ALKAL1: variants seen among roughly 807,000 people sequenced by gnomAD.
ALKAL1 encodes the protein AUG-beta.
A neutral mutation model predicts 13.5 loss-of-function variants in ALKAL1; 23 were observed. The observed-to-expected ratio is 1.70, with a 90% CI of 1.23 to 2.41. ALKAL1 has a LOEUF of 2.41. ALKAL1 is among the 30% of genes most tolerant of loss of function. The probability of loss-of-function intolerance (pLI) is 0.00; values close to 1 mark genes in which losing one functional copy is unlikely to be tolerated. For missense variants in ALKAL1, 181 were observed against 178.4 expected, an observed-to-expected ratio of 1.01 and a Z score of -0.08; for synonymous variants, 85 against 77.7, an observed-to-expected ratio of 1.09 and a Z score of -0.49.
At chr8:52,558,347 C>CA (rs398007812) in intron 1 of ALKAL1, among the ~76,000 whole-genome samples, 6,917 of 18,694 alleles carry the variant, frequency 0.37, 1,933 homozygotes, top group East Asian at 0.71. Context: ...GACTCCATCT[C>CA]AAAAAAAAAA....
chr8:52,540,357 C>T (rs1038324341), intron 2 of ALKAL1, among the ~76,000 whole-genome samples: 4 of 152,098 alleles, frequency 2.6e-5, no homozygotes, highest in African/African-American at 4.8e-5. Context: ...TTATTACTGT[C>T]TAGGATAATT....
rs1794390660 is a variant in ALKAL1, at chr8:52,565,148, C to G, written c.109G>C (p.Val37Leu). ...GRPRGRRGAR[V>L]TDKEPKPLLF... ...AACGGCTTGGGCTCCTTATCCGTGACGCGCGCTCCCCTGCGCCCCCGGGGC... is the reference window on the plus strand; with the variant it reads ...AACGGCTTGGGCTCCTTATCCGTGAGGCGCGCTCCCCTGCGCCCCCGGGGC... Residue 37 changes from valine (V) to leucine (L), a missense_variant, in exon 1 of 5, where the codon GTC becomes CTC. Val to Leu is a conservative substitution (Grantham distance 32). Coordinates refer to ENST00000358543, the MANE Select transcript of ALKAL1 (RefSeq NM_207413.4). 9 of 1,403,342 alleles carry G rather than the reference C, an allele frequency of 6.4e-6. No homozygotes were observed. The highest frequency in any genetic ancestry group is 8.4e-6 in the Non-Finnish European group (9 of 1,070,956). 86.9% of individuals were successfully genotyped at this position (1,403,342 alleles called of 1,614,324 possible).
chr8:52,560,317 G>A (rs1392697601), intron 1 of ALKAL1, among the ~76,000 whole-genome samples: 2 of 152,120 alleles, frequency 1.3e-5, no homozygotes, highest in East Asian at 3.9e-4. Context: ...TATGTTGTTA[G>A]ATATATAAAT....
intron 3 of ALKAL1, 131 bp downstream of exon 3, chr8:52,539,700 C>G (rs1484087846): frequency 1.5e-6 from 1 of 674,238 alleles, no homozygotes; most frequent in Non-Finnish European, 2.5e-6. Flanking sequence ...TGTCAGTGTT[C>G]TAAATCAGTG....
At chr8:52,554,048 A>C (rs1590869071) in intron 1 of ALKAL1, among the ~76,000 whole-genome samples, 1 of 152,258 alleles carries the variant, frequency 6.6e-6, no homozygotes, top group African/African-American at 2.4e-5. Context: ...ACATGGAGAA[A>C]CCCCGTCTCT....
intron 2 of ALKAL1, among the ~76,000 whole-genome samples, chr8:52,540,611 G>T (rs1847303645): frequency 6.6e-6 from 1 of 152,064 alleles, no homozygotes; most frequent in Non-Finnish European, 1.5e-5. Context: ...CACGCCTGTA[G>T]TCCCACCTCA....
At chr8:52,539,313 TA>T (rs1040615056) in intron 3 of ALKAL1, among the ~76,000 whole-genome samples, 1 of 152,210 alleles carries the variant, frequency 6.6e-6, no homozygotes, top group Non-Finnish European at 1.5e-5. Context: ...TGAGAGCACT[TA>T]AATATTATGT....
At chr8:52,535,739 T>C (rs574419380) in intron 4 of ALKAL1, among the ~76,000 whole-genome samples, 81 of 152,300 alleles carry the variant, frequency 5.3e-4, no homozygotes, top group Middle Eastern at 3.4e-3. Flanking sequence ...CTAATTATTA[T>C]CATTAATGTG....
At chr8:52,561,178 T>C (rs938485515) in intron 1 of ALKAL1, among the ~76,000 whole-genome samples, 1 of 152,210 alleles carries the variant, frequency 6.6e-6, no homozygotes, top group African/African-American at 2.4e-5. Flanking sequence ...CAGGTATAAC[T>C]GTCTAAGTGG....
At chr8:52,541,426 A>AC (rs1230313476) in intron 2 of ALKAL1, among the ~76,000 whole-genome samples, 1 of 152,176 alleles carries the variant, frequency 6.6e-6, no homozygotes, top group Admixed American at 6.5e-5. Context: ...CCATGATCTC[A>AC]CCACTGAACT....
At chr8:52,561,203 C>T (rs1847547063) in intron 1 of ALKAL1, among the ~76,000 whole-genome samples, 1 of 152,090 alleles carries the variant, frequency 6.6e-6, no homozygotes, top group African/African-American at 2.4e-5. Context: ...ATATAATAGC[C>T]ACAGACTTGC....
chr8:52,541,626 A>C (rs968582108), intron 2 of ALKAL1, among the ~76,000 whole-genome samples: 1 of 152,050 alleles, frequency 6.6e-6, no homozygotes, highest in Non-Finnish European at 1.5e-5. Flanking sequence ...AAGATTAGCC[A>C]GGTGTGGTGG....
At chr8:52,552,521 T>C (rs1847439939) in intron 1 of ALKAL1, among the ~76,000 whole-genome samples, 1 of 152,234 alleles carries the variant, frequency 6.6e-6, no homozygotes, top group African/African-American at 2.4e-5. Context: ...ACATGCATTA[T>C]TTAGAATTCT....
rs187818529 is a variant in ALKAL1, at chr8:52,548,169, T to A, written c.191-5724A>T. Among the ~76,000 whole-genome samples the A allele has an allele frequency of 6.1e-3, 929 of 151,988 alleles. 4 individuals are homozygous for A. The highest frequency in any genetic ancestry group is 0.01 in the Non-Finnish European group (709 of 67,986). ...TTCAAGACCAGCCTGGTCAACATGG[T>A]GAAACTCTGTGTCTACTAAAAATAC... On this transcript the variant is annotated intron_variant, in intron 1 of 4. Transcript: ENST00000358543.
chr8:52,540,300 A>G (rs1351241803), intron 2 of ALKAL1, among the ~76,000 whole-genome samples: 1 of 152,230 alleles, frequency 6.6e-6, no homozygotes, highest in African/African-American at 2.4e-5. Flanking sequence ...ATTAATGTTT[A>G]CATGCCAAGA....
At chr8:52,540,646 G>A (rs1289507459) in intron 2 of ALKAL1, among the ~76,000 whole-genome samples, 1 of 152,218 alleles carries the variant, frequency 6.6e-6, no homozygotes, top group African/African-American at 2.4e-5. Flanking sequence ...TGAGGCAGGA[G>A]GATCCTTGAG....
At position 52,534,236 on chromosome 8, in the gene ALKAL1, AT is replaced by A. The variant is rs1162932889; in HGVS notation, c.*376del. The A allele has an allele frequency of 6.1e-6, 1 of 163,104 alleles. No individual in the cohort carries two copies. The highest frequency in any genetic ancestry group is 2.4e-5 in the African/African-American group (1 of 41,978). The allele number at this position is 163,104 out of a possible 1,614,324, so 10.1% of individuals were successfully genotyped here. ...TATACTAACAGTCATATACAAAAAA[AT>A]CATTATTTCTCACTGGCACTCACAG... On this transcript the variant is annotated 3_prime_UTR_variant, in exon 5 of 5. Transcript: ENST00000358543.
At chr8:52,536,193 C>T (rs1405715026) in intron 4 of ALKAL1, among the ~76,000 whole-genome samples, 1 of 152,200 alleles carries the variant, frequency 6.6e-6, no homozygotes, top group Admixed American at 6.5e-5. Context: ...CCCGCCTCGG[C>T]GTCCCAAAGT....
chr8:52,539,729 T>C (rs1337455158), intron 3 of ALKAL1, 102 bp downstream of exon 3: 3 of 815,148 alleles, frequency 3.7e-6, no homozygotes, highest in South Asian at 1.7e-5. Context: ...AGAATCTCAA[T>C]GTTTAGTCTA....
Sources: allele counts gnomAD v4.1 joint callset (sites outside exome capture counted in the v4.1 genomes callset), GRCh38; gene constraint gnomAD v4.1.1; transcripts MANE v1.5; gene names NCBI Gene and HGNC (gene_info 2026-07-23, HGNC 2026-07-21).